MAGEC3: variants seen among roughly 807,000 people sequenced by gnomAD.
The protein encoded by MAGEC3 is MAGE family member C3, also known as melanoma-associated antigen C3.
A neutral mutation model predicts 35.3 loss-of-function variants in MAGEC3; 34 were observed. That is an observed-to-expected ratio of 0.96 (90% CI 0.73 to 1.28). The LOEUF (loss-of-function observed/expected upper bound fraction) is 1.28. MAGEC3 is among the 50% of genes most tolerant of loss of function. MAGEC3 has a pLI of 0.00. For synonymous variants in MAGEC3, 202 were observed against 185.6 expected (o/e 1.09, Z -0.72); for missense variants, 561 against 483.6 (o/e 1.16, Z -1.50).
chrX:141,895,638 G>A, intron 6 of MAGEC3, 79 bp downstream of exon 6: 2 of 963,233 alleles, frequency 2.1e-6, no homozygotes, highest in South Asian at 2.5e-5. Flanking sequence ...CAGCTTCCCA[G>A]AGATTCCCAC....
chrX:141,865,450 C>T, intron 1 of MAGEC3, 21 bp from the exon 2 acceptor site: 1 of 1,198,374 alleles, frequency 8.3e-7, no homozygotes, highest in Non-Finnish European at 1.1e-6. Flanking sequence ...TAGTCCTGCC[C>T]CTGATATTTG....
chrX:141,893,714 TGGG>T (rs148119130), intron 4 of MAGEC3, among the ~76,000 whole-genome samples: 1 of 76,351 alleles, frequency 1.3e-5, no homozygotes, highest in South Asian at 8.3e-4. Flanking sequence ...GGGCAGGAAT[TGGG>T]GGGGGGGGCG....
chrX:141,894,831 G>C, intron 4 of MAGEC3: 2 of 947,473 alleles, frequency 2.1e-6, no homozygotes, highest in Non-Finnish European at 2.7e-6. Flanking sequence ...AGGGAGAGGT[G>C]GGCGAAGGGC....
intron 1 of MAGEC3, among the ~76,000 whole-genome samples, chrX:141,862,418 C>G (rs7063420): frequency 0.02 from 2,212 of 111,912 alleles, 56 homozygotes; most frequent in African/African-American, 0.068. Context: ...TATGATCCAG[C>G]AAATCCACTA....
chrX:141,843,429 T>C (rs2017697736), intron 1 of MAGEC3, among the ~76,000 whole-genome samples: 1 of 111,896 alleles, frequency 8.9e-6, no homozygotes, highest in South Asian at 3.7e-4. Flanking sequence ...GCTAGCTACA[T>C]ATTTTTGTAT....
At chrX:141,848,959 T>G (rs938821332) in intron 1 of MAGEC3, among the ~76,000 whole-genome samples, 36 of 111,180 alleles carry the variant, frequency 3.2e-4, no homozygotes, top group African/African-American at 1.1e-3. Context: ...CTCACAAAAA[T>G]TAAAATAAAT....
At chrX:141,890,493 C>T (rs1207738447) in intron 4 of MAGEC3, among the ~76,000 whole-genome samples, 1 of 86,849 alleles carries the variant, frequency 1.2e-5, no homozygotes, top group African/African-American at 1.2e-4. Flanking sequence ...AGGCATGAGC[C>T]CCACCACACC....
chrX:141,848,512 C>T (rs1359532491), intron 1 of MAGEC3, among the ~76,000 whole-genome samples: 1 of 110,765 alleles, frequency 9.0e-6, no homozygotes, highest in Non-Finnish European at 1.9e-5. Context: ...AAACGAAGAA[C>T]ACAGTTTCAT....
chrX:141,862,727 G>T (rs1056573475), intron 1 of MAGEC3, among the ~76,000 whole-genome samples: 3 of 112,422 alleles, frequency 2.7e-5, no homozygotes, highest in African/African-American at 9.7e-5. Flanking sequence ...GAGATAAAGT[G>T]TTGATCACAT....
rs1166582799 is a variant in MAGEC3 at position 141,879,152 on chromosome X, C to T, written c.259-23C>T. The T allele has an allele frequency of 3.5e-6, 4 of 1,155,102 alleles. No individual in the cohort carries two copies. The African/African-American group carries it at 7.2e-5, about 21-fold the overall frequency. Reference sequence around the variant, plus strand: ...CACCCATGACTGGTAGTGCCCCTCCCCTGTCCCTGTGCCTGCTGCCAGCTC... The same window carrying T: ...CACCCATGACTGGTAGTGCCCCTCCTCTGTCCCTGTGCCTGCTGCCAGCTC... On this transcript the variant is annotated intron_variant, in intron 2 of 7. Transcript: ENST00000298296.
intron 4 of MAGEC3, among the ~76,000 whole-genome samples, chrX:141,882,353 T>A: frequency 8.9e-6 from 1 of 112,358 alleles, no homozygotes; most frequent in Non-Finnish European, 1.9e-5. Flanking sequence ...CAGAATATTA[T>A]TTTATAAATA....
rs191341821 is a variant in MAGEC3, at chrX:141,867,042, A to T, written c.258+1437A>T. On this transcript the variant is annotated intron_variant, in intron 2 of 7. Coordinates refer to ENST00000298296, the MANE Select transcript of MAGEC3 (RefSeq NM_138702.1). ...AACAAAAGAAAGGTTTTCAGAAAAA[A>T]AAAAACCACCACTAATTTTCTCAAT... Among the ~76,000 whole-genome samples, 27 of 111,211 alleles carry T rather than the reference A, an allele frequency of 2.4e-4. No individual in the cohort carries two copies. In the East Asian group the frequency reaches 7.4e-3, roughly 30 times the overall value.
At chrX:141,870,157 G>C (rs936607856) in intron 2 of MAGEC3, among the ~76,000 whole-genome samples, 1 of 111,747 alleles carries the variant, frequency 8.9e-6, no homozygotes, top group African/African-American at 3.3e-5. Flanking sequence ...TTGCCAAAAT[G>C]ATGAGTTAAA....
intron 1 of MAGEC3, among the ~76,000 whole-genome samples, chrX:141,857,273 C>T (rs1478815778): frequency 9.0e-6 from 1 of 110,716 alleles, no homozygotes; most frequent in Non-Finnish European, 1.9e-5. Context: ...AAGTAGTGGC[C>T]CAAATCCACT....
At chrX:141,854,847 AC>A (rs749311236) in intron 1 of MAGEC3, among the ~76,000 whole-genome samples, 1 of 111,724 alleles carries the variant, frequency 9.0e-6, no homozygotes, top group African/African-American at 3.2e-5. Flanking sequence ...AATTAAAGTC[AC>A]CATGTAAAAA....
chrX:141,867,202 T>C (rs911395678), intron 2 of MAGEC3, among the ~76,000 whole-genome samples: 1 of 111,891 alleles, frequency 8.9e-6, no homozygotes, highest in African/African-American at 3.3e-5. Flanking sequence ...ACTGTAGCCT[T>C]ACAGTTGTAA....
At chrX:141,838,523 C>T (rs1196422458) in intron 1 of MAGEC3, 85 bp downstream of exon 1, 11 of 1,130,065 alleles carry the variant, frequency 9.7e-6, no homozygotes, top group Non-Finnish European at 1.3e-5. Context: ...TGTTGCTTGG[C>T]TCCAAGACAG....
chrX:141,844,314 A>G (rs1461960057), intron 1 of MAGEC3, among the ~76,000 whole-genome samples: 1 of 111,052 alleles, frequency 9.0e-6, no homozygotes, highest in Non-Finnish European at 1.9e-5. Context: ...AATTTGGCGT[A>G]TGAGTTTAGC....
chrX:141,850,712 T>A (rs2017746227), intron 1 of MAGEC3, among the ~76,000 whole-genome samples: 1 of 111,380 alleles, frequency 9.0e-6, no homozygotes, highest in African/African-American at 3.3e-5. Context: ...AATTGACATA[T>A]AAAATCAACC....
Sources: allele counts gnomAD v4.1 joint callset (sites outside exome capture counted in the v4.1 genomes callset), GRCh38; gene constraint gnomAD v4.1.1; transcripts MANE v1.5; gene names NCBI Gene and HGNC (gene_info 2026-07-23, HGNC 2026-07-21).